Variants in CARF observed in about 807,000 individuals in gnomAD.
CARF encodes the protein calcium responsive transcription factor.
A neutral mutation model predicts 82.0 loss-of-function variants in CARF; 57 were observed. The ratio of observed to expected loss-of-function variants is 0.70; its 90% confidence interval spans 0.56 to 0.87. The LOEUF (loss-of-function observed/expected upper bound fraction) is 0.87. Ranked by LOEUF, CARF falls within the 40% of genes least tolerant of loss-of-function variation. The pLI, the probability that CARF is intolerant of heterozygous loss-of-function variation, is 0.00. For missense variants in CARF, 771 were observed against 855.8 expected, an observed-to-expected ratio of 0.90 and a Z score of 1.24; for synonymous variants, 268 against 290.1, an observed-to-expected ratio of 0.92 and a Z score of 0.77.
intron 3 of CARF, among the ~76,000 whole-genome samples, chr2:202,940,636 C>T (rs1233839755): frequency 6.6e-6 from 1 of 152,160 alleles, no homozygotes; most frequent in Admixed American, 6.6e-5. Flanking sequence ...AGGTTACACT[C>T]TTCACCCAGA....
intron 16 of CARF, 143 bp from the exon 17 acceptor site, chr2:202,983,363 C>T (rs1406114596): frequency 1.6e-6 from 1 of 606,686 alleles, no homozygotes; most frequent in Non-Finnish European, 2.9e-6. Flanking sequence ...GGATTGGGCA[C>T]TTTTGTGGGA....
intron 8 of CARF, 38 bp downstream of exon 8, chr2:202,955,796 T>C (rs1454954090): frequency 1.3e-6 from 2 of 1,510,128 alleles, no homozygotes; most frequent in Admixed American, 3.5e-5. Flanking sequence ...ATTACTTAAC[T>C]GATTATAACC....
At position 202,947,697 on chromosome 2, in the gene CARF, G is replaced by T. The variant is rs952108060; in HGVS notation, c.306+4730G>T. Among the ~76,000 whole-genome samples, 5 of 152,184 alleles carry T rather than the reference G, an allele frequency of 3.3e-5. No homozygotes were observed. The South Asian group carries it at 1.0e-3, about 32-fold the overall frequency. The stretch of plus-strand genomic sequence containing the variant: ...TTGTGTCCTTTGCCCACTTTTCAAT[G>T]GTGTTGTTTTTCTTTTGTAAATTTG... On this transcript the variant is annotated intron_variant, in intron 5 of 16. Transcript: ENST00000438828.
chr2:202,935,825 A>G (rs1178563037), intron 3 of CARF, among the ~76,000 whole-genome samples: 1 of 152,092 alleles, frequency 6.6e-6, no homozygotes, highest in East Asian at 1.9e-4. Flanking sequence ...CACCAAAAAT[A>G]CTTTCTTTAG....
intron 4 of CARF, 113 bp downstream of exon 4, chr2:202,942,093 G>A: frequency 1.2e-6 from 1 of 822,446 alleles, no homozygotes; most frequent in Non-Finnish European, 2.0e-6. Context: ...AGAATTTTGA[G>A]CTGGGCGTGG....
intron 3 of CARF, among the ~76,000 whole-genome samples, chr2:202,938,560 G>A (rs890659164): frequency 6.2e-5 from 9 of 145,484 alleles, no homozygotes; most frequent in East Asian, 2.1e-4. Context: ...GTGAGCCACC[G>A]TGCCCAGCCA....
At chr2:202,964,589 G>C (rs975310082) in intron 9 of CARF, among the ~76,000 whole-genome samples, 2 of 151,696 alleles carry the variant, frequency 1.3e-5, no homozygotes, top group Non-Finnish European at 2.9e-5. Context: ...ACCTTAAAAA[G>C]GTTTTTTAAA....
chr2:202,957,093 T>A (rs1428643982), intron 8 of CARF, among the ~76,000 whole-genome samples: 3 of 152,124 alleles, frequency 2.0e-5, no homozygotes. Context: ...CCAGAAGTAG[T>A]CACCAGATTC....
intron 1 of CARF, among the ~76,000 whole-genome samples, chr2:202,916,830 G>A (rs1221725404): frequency 6.6e-6 from 1 of 151,456 alleles, no homozygotes; most frequent in African/African-American, 2.4e-5. Context: ...CCTTGAAGGA[G>A]ACATGACAAC....
chr2:202,968,126 G>A (rs1225905731), intron 10 of CARF, among the ~76,000 whole-genome samples: 1 of 152,066 alleles, frequency 6.6e-6, no homozygotes, highest in Non-Finnish European at 1.5e-5. Context: ...ATTCTTGGCC[G>A]AGCATGGTGG....
chr2:202,938,476 G>C (rs1225893104), intron 3 of CARF: 2 of 151,436 alleles, frequency 1.3e-5, no homozygotes, highest in Non-Finnish European at 2.9e-5. Context: ...TCGCCATGTT[G>C]GTCAGGATGG....
intron 8 of CARF, among the ~76,000 whole-genome samples, chr2:202,957,050 A>C (rs1207136244): frequency 6.6e-6 from 1 of 152,064 alleles, no homozygotes; most frequent in Non-Finnish European, 1.5e-5. Context: ...CAGCCTCCCA[A>C]AGTGCTGGGA....
At chr2:202,927,979 A>G (rs1413558064) in intron 3 of CARF, among the ~76,000 whole-genome samples, 2 of 152,000 alleles carry the variant, frequency 1.3e-5, no homozygotes. Context: ...TTTAATTACT[A>G]TATTTGGTAG....
intron 3 of CARF, 92 bp from the exon 4 acceptor site, chr2:202,941,768 C>T: frequency 1.7e-6 from 1 of 593,386 alleles, no homozygotes; most frequent in Non-Finnish European, 3.0e-6. Flanking sequence ...ATATAGGGTA[C>T]CACAGTAGTG....
chr2:202,952,750 A>G lies in CARF; in HGVS notation c.427+71A>G. ...ATAAATATTTTAGAAAAATCACCTT[A>G]TGAAAGTCAGTGCTAAAGTTGATTT... is the stretch of plus-strand genomic sequence containing the variant. On this transcript the variant is annotated intron_variant, in intron 6 of 16. Transcript: ENST00000438828. The G allele has an allele frequency of 2.0e-6, 3 of 1,480,824 alleles. No homozygotes were observed. In the South Asian group the frequency reaches 4.1e-5, roughly 20 times the overall value. 91.7% of individuals were successfully genotyped at this position (1,480,824 alleles called of 1,614,324 possible). A position where few individuals can be genotyped will look rare whatever the true frequency, so the allele number is the denominator to read the frequency against.
At chr2:202,977,526 T>C (rs1192118173) in intron 14 of CARF, among the ~76,000 whole-genome samples, 194 bp downstream of exon 14, 3 of 152,186 alleles carry the variant, frequency 2.0e-5, no homozygotes, top group Admixed American at 6.5e-5. Context: ...TTTTTAATGC[T>C]TTTTTATGAC....
chr2:202,936,514 G>T (rs1032598400), intron 3 of CARF, among the ~76,000 whole-genome samples: 6 of 152,122 alleles, frequency 3.9e-5, no homozygotes, highest in African/African-American at 1.4e-4. Context: ...TATGTAAATA[G>T]AATCATATAA....
At chr2:202,928,022 T>C (rs1029053311) in intron 3 of CARF, among the ~76,000 whole-genome samples, 1 of 152,086 alleles carries the variant, frequency 6.6e-6, no homozygotes, top group African/African-American at 2.4e-5. Context: ...CCAGGTTGCC[T>C]GGGGTCAAGC....
At chr2:202,960,351 G>A (rs1370896884) in intron 8 of CARF, among the ~76,000 whole-genome samples, 3 of 152,052 alleles carry the variant, frequency 2.0e-5, no homozygotes, top group African/African-American at 7.2e-5. Context: ...CCAGGTTCAA[G>A]GGATTCTTGT....
Sources: allele counts gnomAD v4.1 joint callset (sites outside exome capture counted in the v4.1 genomes callset), GRCh38; gene constraint gnomAD v4.1.1; transcripts MANE v1.5; gene names NCBI Gene and HGNC (gene_info 2026-07-23, HGNC 2026-07-21).